KCNN3: variants seen among roughly 807,000 people sequenced by gnomAD.
The protein encoded by KCNN3 is small conductance calcium-activated potassium channel protein 3.
Under a neutral mutation model 62.9 loss-of-function variants are expected in KCNN3, and 16 were observed. That is an observed-to-expected ratio of 0.25 (90% CI 0.17 to 0.39). The LOEUF is 0.39. Ranked by LOEUF, KCNN3 falls within the 10% of genes least tolerant of loss-of-function variation. KCNN3 has a pLI of 1.00. For missense variants in KCNN3, 599 were observed against 949.4 expected, an observed-to-expected ratio of 0.63 and a Z score of 4.85; for synonymous variants, 370 against 389.2, an observed-to-expected ratio of 0.95 and a Z score of 0.58.
chr1:154,713,645 G>A, intron 6 of KCNN3, 112 bp from the exon 7 acceptor site: 2 of 844,290 alleles, frequency 2.4e-6, no homozygotes, highest in Admixed American at 3.7e-5. Context: ...CCAGCATGGG[G>A]ACCGTGAACC....
At chr1:154,812,779 T>C (rs560608911) in intron 2 of KCNN3, among the ~76,000 whole-genome samples, 2 of 152,280 alleles carry the variant, frequency 1.3e-5, no homozygotes, top group Admixed American at 6.5e-5. Flanking sequence ...TCTTTATTAT[T>C]GTTTTCTATG....
intron 7 of KCNN3, among the ~76,000 whole-genome samples, chr1:154,709,611 GA>G (rs2101756378): frequency 6.6e-6 from 1 of 152,264 alleles, no homozygotes; most frequent in Non-Finnish European, 1.5e-5. Flanking sequence ...GCCCCATGAG[GA>G]AATTCACTGG....
At chr1:154,766,720 C>T (rs887781568) in intron 3 of KCNN3, among the ~76,000 whole-genome samples, 26 of 149,786 alleles carry the variant, frequency 1.7e-4, no homozygotes, top group Non-Finnish European at 3.0e-4. Context: ...GGCTCTGTCA[C>T]CCAGGCTGGA....
At chr1:154,816,436 T>C (rs1192969411) in intron 2 of KCNN3, among the ~76,000 whole-genome samples, 1 of 152,248 alleles carries the variant, frequency 6.6e-6, no homozygotes, top group East Asian at 1.9e-4. Flanking sequence ...CAGTAGTCTC[T>C]TCAGTTTAAT....
At position 154,863,904 on chromosome 1, in the gene KCNN3, G is replaced by T. The variant is rs368441708; in HGVS notation, c.933+5128C>A. On this transcript the variant is annotated intron_variant, in intron 1 of 7. Coordinates refer to ENST00000271915, the MANE Select transcript of KCNN3 (RefSeq NM_002249.6). Reference sequence around the variant, plus strand: ...TAGTGTGATGACACGCAAAGGAGAAGCATATATAAAAAGTTAGCTGTCCCC... The same window carrying T: ...TAGTGTGATGACACGCAAAGGAGAATCATATATAAAAAGTTAGCTGTCCCC... 2.6e-5 allele frequency among the ~76,000 whole-genome samples: 4 copies of T among 152,304 alleles called. No individual in the cohort carries two copies. In the East Asian group the frequency reaches 7.7e-4, roughly 29 times the overall value.
intron 2 of KCNN3, among the ~76,000 whole-genome samples, chr1:154,808,443 G>A (rs878927955): frequency 6.6e-6 from 1 of 152,058 alleles, no homozygotes; most frequent in Non-Finnish European, 1.5e-5. Context: ...GCACAGCAGC[G>A]TCCTCATTCC....
intron 1 of KCNN3, among the ~76,000 whole-genome samples, chr1:154,843,857 C>A (rs1268862223): frequency 6.6e-6 from 1 of 152,210 alleles, no homozygotes; most frequent in Non-Finnish European, 1.5e-5. Context: ...ACCCAGGGGA[C>A]TTTCAGGGAA....
intron 2 of KCNN3, among the ~76,000 whole-genome samples, chr1:154,813,823 C>T (rs1423551224): frequency 1.3e-5 from 2 of 152,222 alleles, no homozygotes; most frequent in African/African-American, 4.8e-5. Context: ...AGCACACCCA[C>T]CCCATCGGAG....
intron 4 of KCNN3, among the ~76,000 whole-genome samples, chr1:154,726,607 A>C (rs1344440852): frequency 1.3e-5 from 2 of 152,172 alleles, no homozygotes; most frequent in Non-Finnish European, 2.9e-5. Flanking sequence ...GAACACGTGC[A>C]CTCAGTGACT....
At chr1:154,828,291 C>T (rs1174643839) in intron 1 of KCNN3, among the ~76,000 whole-genome samples, 2 of 152,042 alleles carry the variant, frequency 1.3e-5, no homozygotes, top group African/African-American at 2.4e-5. Flanking sequence ...ACCAAGGCGC[C>T]GAGCACACAT....
chr1:154,811,554 G>C lies in KCNN3; in HGVS notation c.1029+10535C>G, dbSNP rs140547063. Among the ~76,000 whole-genome samples, 857 of 152,254 alleles carry C rather than the reference G, an allele frequency of 5.6e-3. 8 individuals are homozygous for C. The highest frequency in any genetic ancestry group is 0.02 in the African/African-American group (815 of 41,542). ...TGTCTCTCCCACCATCATGCTAACA[G>C]GACAGGTTTGTATGGGAGATGCCTT... On this transcript the variant is annotated intron_variant, in intron 2 of 7. Coordinates refer to ENST00000271915, the MANE Select transcript of KCNN3 (RefSeq NM_002249.6).
intron 1 of KCNN3, among the ~76,000 whole-genome samples, chr1:154,839,856 G>A (rs1173141489): frequency 6.6e-6 from 1 of 152,212 alleles, no homozygotes; most frequent in Non-Finnish European, 1.5e-5. Flanking sequence ...TACCAGAGCT[G>A]CTTCTCAGAG....
At position 154,785,572 on chromosome 1, in the gene KCNN3, CTTTTT is replaced by C. The variant is rs59033291; in HGVS notation, c.1030-13184_1030-13180del. Among the ~76,000 whole-genome samples, 6 of 107,978 alleles carry C rather than the reference CTTTTT, an allele frequency of 5.6e-5. 1 individual carries two copies. The highest frequency in any genetic ancestry group is 9.7e-5 in the Admixed American group (1 of 10,272). 70.8% of individuals were successfully genotyped at this position (107,978 alleles called of 152,430 possible). On this transcript the variant is annotated intron_variant, in intron 2 of 7. Coordinates refer to ENST00000271915, the MANE Select transcript of KCNN3 (RefSeq NM_002249.6). ...CTGGGGCCTAAGCACTTTTCTTTTTCTTTTTTTTTTTTTTTTTTTTTTTTTTTGAG... is the reference window on the plus strand; with the variant it reads ...CTGGGGCCTAAGCACTTTTCTTTTTCTTTTTTTTTTTTTTTTTTTTTTGAG...
At chr1:154,834,336 C>T (rs1571321733) in intron 1 of KCNN3, among the ~76,000 whole-genome samples, 1 of 152,222 alleles carries the variant, frequency 6.6e-6, no homozygotes, top group African/African-American at 2.4e-5. Context: ...TACAGGGCTT[C>T]AAGGAAACTG....
At chr1:154,779,511 G>A (rs183750176) in intron 2 of KCNN3, among the ~76,000 whole-genome samples, 8 of 152,316 alleles carry the variant, frequency 5.3e-5, no homozygotes, top group African/African-American at 1.9e-4. Flanking sequence ...TCTCCCCATG[G>A]ACACATGATT....
chr1:154,734,419 T>C (rs1240420630), intron 3 of KCNN3, among the ~76,000 whole-genome samples: 1 of 152,172 alleles, frequency 6.6e-6, no homozygotes, highest in African/African-American at 2.4e-5. Context: ...TGGAAGTCAG[T>C]TACCATTGGG....
At chr1:154,818,021 G>A (rs929152638) in intron 2 of KCNN3, among the ~76,000 whole-genome samples, 2 of 152,150 alleles carry the variant, frequency 1.3e-5, no homozygotes, top group Non-Finnish European at 2.9e-5. Context: ...GTTGGTGAGA[G>A]CTAAACCACA....
chr1:154,868,215 C>T (rs1438722048), intron 1 of KCNN3: 4 of 985,458 alleles, frequency 4.1e-6, no homozygotes, highest in Non-Finnish European at 4.8e-6. Flanking sequence ...GGTGCTCCCC[C>T]AGCTGATTCC....
chr1:154,834,357 A>G (rs1490477654), intron 1 of KCNN3, among the ~76,000 whole-genome samples: 1 of 152,236 alleles, frequency 6.6e-6, no homozygotes, highest in Non-Finnish European at 1.5e-5. Flanking sequence ...CAAGATGCAA[A>G]GACTCCTTGG....
Sources: gnomAD v4.1 joint callset for allele counts (sites outside exome capture counted in the v4.1 genomes callset) on GRCh38, gnomAD v4.1.1 for gene constraint, MANE v1.5 for transcripts, NCBI Gene and HGNC (gene_info 2026-07-23, HGNC 2026-07-21) for gene names.